The following KCTD1 variants were observed in gnomAD, a reference collection of about 807,000 sequenced individuals.
KCTD1 encodes the protein BTB/POZ domain-containing protein KCTD1.
Under a neutral mutation model 66.0 loss-of-function variants are expected in KCTD1, and 24 were observed. The ratio of observed to expected loss-of-function variants is 0.36; its 90% CI spans 0.26 to 0.51. The LOEUF is 0.51. Among genes scored for constraint, KCTD1 ranks in the 20% least tolerant of loss-of-function variants. KCTD1 has a pLI of 0.95. For missense variants in KCTD1, 943 were observed against 1,205.2 expected (o/e 0.78, Z 3.22); for synonymous variants, 511 against 517.2 (o/e 0.99, Z 0.16).
At chr18:26,657,440 G>T, upstream of KCTD1, 1 of 961,030 alleles carries the variant, frequency 1.0e-6, no homozygotes, top group Non-Finnish European at 1.2e-6. Flanking sequence ...CTCTCCCAGC[G>T]ATCTGCTCGG....
chr18:26,621,668 T>C (rs954967709), intron 1 of KCTD1, among the ~76,000 whole-genome samples: 11 of 152,336 alleles, frequency 7.2e-5, no homozygotes, highest in Admixed American at 5.2e-4. Context: ...TGTTGGCTCT[T>C]GGTCTTTGCT....
chr18:26,626,159 A>AC (rs1252587216), intron 1 of KCTD1, among the ~76,000 whole-genome samples: 3 of 144,416 alleles, frequency 2.1e-5, no homozygotes, highest in African/African-American at 8.4e-5. Flanking sequence ...TGAGCCAAAA[A>AC]AAAAAACAAA....
At chr18:26,550,828 C>T (rs1392521244), upstream of KCTD1, among the ~76,000 whole-genome samples, 1 of 152,270 alleles carries the variant, frequency 6.6e-6, no homozygotes, top group Non-Finnish European at 1.5e-5. The surrounding 1 kb of genome is among the most constrained non-coding windows in gnomAD (Gnocchi z 5.4). Flanking sequence ...TCACACACGG[C>T]TAATTCCAGA....
chr18:26,536,463 T>C (rs1484784391), intron 1 of KCTD1, among the ~76,000 whole-genome samples: 6 of 152,184 alleles, frequency 3.9e-5, no homozygotes, highest in Non-Finnish European at 8.8e-5. Context: ...TAATATTTTA[T>C]TTTTTCCTGG....
intron 1 of KCTD1, among the ~76,000 whole-genome samples, chr18:26,529,404 G>A (rs1196255693): frequency 6.6e-6 from 1 of 152,132 alleles, no homozygotes; most frequent in Non-Finnish European, 1.5e-5. Flanking sequence ...TAGGCTACAA[G>A]CCCGTGAACT....
chr18:26,518,478 C>T (rs1171052674), intron 1 of KCTD1, among the ~76,000 whole-genome samples: 1 of 152,284 alleles, frequency 6.6e-6, no homozygotes, highest in East Asian at 1.9e-4. Flanking sequence ...ATTGGTCAGG[C>T]TGGTCTTGAA....
chr18:26,467,801 C>G (rs563941966), intron 3 of KCTD1, among the ~76,000 whole-genome samples: 29 of 152,024 alleles, frequency 1.9e-4, no homozygotes, highest in South Asian at 6.2e-4. Flanking sequence ...GGTGACAGAG[C>G]GAGACCCTAT....
At chr18:26,546,505 G>A (rs2144833489) in intron 1 of KCTD1, among the ~76,000 whole-genome samples, 1 of 152,338 alleles carries the variant, frequency 6.6e-6, no homozygotes, top group East Asian at 1.9e-4. Context: ...CTGCACAGCA[G>A]TGATTTGTTA....
At chr18:26,506,757 T>G (rs1360588176) in intron 1 of KCTD1, among the ~76,000 whole-genome samples, 1 of 152,256 alleles carries the variant, frequency 6.6e-6, no homozygotes, top group Non-Finnish European at 1.5e-5. Flanking sequence ...TAGAACTTTC[T>G]GCAGTACAGG....
At chr18:26,625,462 A>G (rs1987479028) in intron 1 of KCTD1, among the ~76,000 whole-genome samples, 1 of 152,130 alleles carries the variant, frequency 6.6e-6, no homozygotes. Context: ...TGATGGTTTT[A>G]TAAGGTGCTT....
chr18:26,642,604 C>A (rs191050945), upstream of KCTD1, among the ~76,000 whole-genome samples: 3 of 151,914 alleles, frequency 2.0e-5, no homozygotes, highest in African/African-American at 7.2e-5. Flanking sequence ...CTAAGTCATT[C>A]AAAAAAACTG....
At position 26,570,141 on chromosome 18, in the gene KCTD1, G is replaced by T. The variant is rs1292195748; in HGVS notation, c.-16+59006C>A. Among the ~76,000 whole-genome samples the T allele has an allele frequency of 4.0e-5, 6 of 149,172 alleles. No homozygotes were observed. The Admixed American group carries it at 4.0e-4, about 10-fold the overall frequency. On this transcript the variant is annotated intron_variant, in intron 1 of 4. Transcript: ENST00000317932. ...GGGGAGGTTGCAGTGAGATGAAATT[G>T]TGCCACTGCATTGCAGCCTGGGCGA...
At position 26,548,437 on chromosome 18, in the gene KCTD1, C is replaced by T. The variant is rs1215861999; in HGVS notation, c.100G>A (p.Gly34Ser). 2.9e-6 allele frequency: 4 copies of T among 1,382,700 alleles called. No individual in the cohort carries two copies. In the East Asian group the frequency reaches 1.2e-4, roughly 42 times the overall value. The allele number at this position is 1,382,700 out of a possible 1,614,324, so 85.7% of individuals were successfully genotyped here. ...CCGCGGCCCCCCGCGCCGCGCTCGC[C>T]CTCGCCCCGCTCCCCATTGTTCTCG... Reference protein sequence around the residue: ...AAENNGERGEGERGAGGRGRR... With the variant: ...AAENNGERGESERGAGGRGRR... Residue 34 changes from glycine to serine, a missense_variant, in exon 1 of 5, where the codon GGC (glycine) becomes AGC (serine). Transcript: ENST00000580059.
upstream of KCTD1, among the ~76,000 whole-genome samples, chr18:26,631,975 G>A (rs190339375): frequency 9.5e-3 from 1,444 of 152,088 alleles, 13 homozygotes; most frequent in Non-Finnish European, 0.01. Flanking sequence ...GTGTGAACCC[G>A]GCAGGCGGAG....
intron 1 of KCTD1, among the ~76,000 whole-genome samples, chr18:26,572,046 T>C (rs1986120142): frequency 6.6e-6 from 1 of 151,800 alleles, no homozygotes; most frequent in South Asian, 2.1e-4. Context: ...GTTTTGTTTG[T>C]TGTTGATGTT....
chr18:26,638,960 CTCTA>C (rs987317479), intron 1 of KCTD1, among the ~76,000 whole-genome samples: 1 of 152,168 alleles, frequency 6.6e-6, no homozygotes, highest in African/African-American at 2.4e-5. Flanking sequence ...CTCTCCATCC[CTCTA>C]TCTCTCTTCA....
chr18:26,486,682 C>G (rs1250379911), intron 2 of KCTD1, among the ~76,000 whole-genome samples: 1 of 152,148 alleles, frequency 6.6e-6, no homozygotes. Context: ...CCAGGTGGCC[C>G]CGTCTCTCCC....
chr18:26,586,079 T>C (rs35086840), intron 1 of KCTD1, among the ~76,000 whole-genome samples: 8,558 of 152,262 alleles, frequency 0.056, 302 homozygotes, highest in South Asian at 0.14. Context: ...TACAATTCAA[T>C]TGTTTTATTG....
intron 1 of KCTD1, among the ~76,000 whole-genome samples, chr18:26,530,985 A>C (rs1425077682): frequency 3.3e-5 from 5 of 152,236 alleles, no homozygotes; most frequent in African/African-American, 4.8e-5. Context: ...AAGTACTTTC[A>C]GTACTTAGTA....
Sources: allele counts gnomAD v4.1 joint callset (sites outside exome capture counted in the v4.1 genomes callset), GRCh38; gene constraint gnomAD v4.1.1; non-coding constraint Gnocchi (gnomAD v3.1); transcripts MANE v1.5; gene names NCBI Gene and HGNC (gene_info 2026-07-23, HGNC 2026-07-21).